SMARCC2: variants seen among roughly 807,000 people sequenced by gnomAD.
The protein encoded by SMARCC2 is SWI/SNF related BAF chromatin remodeling complex subunit C2.
A neutral mutation model predicts 151.3 loss-of-function variants in SMARCC2; 15 were observed. That is an observed-to-expected ratio of 0.10 (90% confidence interval 0.07 to 0.15). The LOEUF (loss-of-function observed/expected upper bound fraction) is 0.15. Ranked by LOEUF, SMARCC2 falls within the 10% of genes least tolerant of loss-of-function variation. SMARCC2 has a pLI of 1.00. For missense variants in SMARCC2, 1,031 were observed against 1,599.7 expected, an observed-to-expected ratio of 0.64 and a Z score of 6.06; for synonymous variants, 590 against 609.5, an observed-to-expected ratio of 0.97 and a Z score of 0.47.
At chr12:56,181,632 A>G in intron 9 of SMARCC2, 35 bp from the exon 10 acceptor site, 1 of 1,610,912 alleles carries the variant, frequency 6.2e-7, no homozygotes. Flanking sequence ...ATGTCAGCCT[A>G]CAATCCCCAC....
intron 15 of SMARCC2, among the ~76,000 whole-genome samples, chr12:56,176,582 A>G (rs1160656455): frequency 6.7e-6 from 1 of 150,328 alleles, no homozygotes; most frequent in Non-Finnish European, 1.5e-5. Flanking sequence ...GGTTCATGCC[A>G]TTCTCCTGCC....
intron 25 of SMARCC2, among the ~76,000 whole-genome samples, chr12:56,168,700 C>G (rs1873327352): frequency 6.6e-6 from 1 of 152,092 alleles, no homozygotes; most frequent in South Asian, 2.1e-4. Flanking sequence ...TTATTTTGGC[C>G]AGGTGTGATG....
chr12:56,183,720 G>A, intron 7 of SMARCC2, 141 bp downstream of exon 7: 2 of 583,620 alleles, frequency 3.4e-6, no homozygotes, highest in Non-Finnish European at 6.2e-6. Context: ...CCAAGACAGA[G>A]GTTCACTTAC....
At position 56,171,255 on chromosome 12, in the gene SMARCC2, A is replaced by G. The variant is rs767090123; in HGVS notation, c.2347+16T>C. On this transcript the variant is annotated intron_variant, in intron 22 of 28. Coordinates refer to ENST00000550164, the MANE Select transcript of SMARCC2 (RefSeq NM_001330288.2). The surrounding 1 kb of genome is among the most constrained non-coding windows in gnomAD (Gnocchi z 4.2). The stretch of plus-strand genomic sequence containing the variant: ...CTTGTGAAAGGCAAGAAATCTGGGA[A>G]CCTGCCTGGCCTTACCAATCCGCTC... 1.2e-6 allele frequency: 2 copies of G among 1,612,150 alleles called. No homozygotes were observed. The highest frequency in any genetic ancestry group is 2.2e-5 in the East Asian group (1 of 44,826).
At position 56,185,035 on chromosome 12, in the gene SMARCC2, C is replaced by T. The variant is rs778908264; in HGVS notation, c.394G>A (p.Val132Met). ...EMFMTIEKSL[V>M]QNNCLSRPNI... Reference sequence around the variant, plus strand: ...ATAGGGTATATGCCTATTACCTGCACCAAGGACTTCTCAATGGTCATAAAC... The same window carrying T: ...ATAGGGTATATGCCTATTACCTGCATCAAGGACTTCTCAATGGTCATAAAC... Residue 132 changes from valine to methionine, a missense_variant, in exon 4 of 29, where the codon GTG becomes ATG. Coordinates refer to ENST00000550164, the MANE Select transcript of SMARCC2 (RefSeq NM_001330288.2). The T allele has an allele frequency of 6.2e-7, 1 of 1,613,574 alleles. No individual in the cohort carries two copies. The highest frequency in any genetic ancestry group is 1.3e-5 in the African/African-American group (1 of 74,912).
intron 22 of SMARCC2, 110 bp from the exon 23 acceptor site, chr12:56,170,318 G>C: frequency 1.1e-6 from 1 of 941,274 alleles, no homozygotes; most frequent in Non-Finnish European, 1.7e-6. Context: ...TGCCCAGGTT[G>C]GTCTCAAACT....
At chr12:56,170,346 C>T in intron 22 of SMARCC2, 138 bp from the exon 23 acceptor site, 1 of 731,538 alleles carries the variant, frequency 1.4e-6, no homozygotes, top group Admixed American at 2.1e-5. Context: ...CCACGCAATC[C>T]TCCCACCTCA....
rs765850398 is a variant in SMARCC2, at chr12:56,184,247, G to A, written c.493-3C>T. ...TTCTTATCCTCAGTGACTGTTCCCT[G>A]GATGGTAAAAGGAGAAGCGGGTAAA... On this transcript the variant is annotated splice_region_variant and splice_polypyrimidine_tract_variant and intron_variant, in intron 5 of 28. Transcript: ENST00000550164. 21 of 1,610,194 alleles carry A rather than the reference G, an allele frequency of 1.3e-5. No individual in the cohort carries two copies. The Admixed American group carries it at 2.7e-4, about 21-fold the overall frequency.
In SMARCC2 at chr12:56,167,951, A is replaced by AAC. The variant is rs56809897; in HGVS notation, c.2850+107_2850+108dup. ...CTGTTGCTTATCTCTCTTTCACTGA[A>AAC]ACACACACACACACACACACACACA... On this transcript the variant is annotated intron_variant, in intron 26 of 28. Transcript: ENST00000550164. 0.07 allele frequency: 47,894 copies of AAC among 687,722 alleles called. 1,516 individuals are homozygous for AAC. The highest frequency in any genetic ancestry group is 0.15 in the East Asian group (4,083 of 27,200). 42.6% of individuals were successfully genotyped at this position (687,722 alleles called of 1,614,324 possible).
At chr12:56,175,269 C>A (rs897607721) in intron 15 of SMARCC2, among the ~76,000 whole-genome samples, 3 of 152,146 alleles carry the variant, frequency 2.0e-5, no homozygotes, top group African/African-American at 7.2e-5. Flanking sequence ...CCTCAGCCTC[C>A]CAAAGTGCTG....
chr12:56,172,895 AG>A, intron 18 of SMARCC2, 41 bp downstream of exon 18: 1 of 1,600,642 alleles, frequency 6.2e-7, no homozygotes, highest in Non-Finnish European at 8.5e-7. Context: ...CCCCCAATAA[AG>A]GGGAAAATGA....
In SMARCC2 at chr12:56,173,853, T is replaced by C. The variant is rs949795853; in HGVS notation, c.1497-4A>G. ...CTGTTCTAGGAAGGCATGGACCCTG[T>C]GCAGAGAGAGGCAGAGACAGGGTCA... On this transcript the variant is annotated splice_region_variant and splice_polypyrimidine_tract_variant and intron_variant, in intron 16 of 28. Transcript: ENST00000550164. The C allele has an allele frequency of 2.5e-6, 4 of 1,611,256 alleles. No individual in the cohort carries two copies. The African/African-American group carries it at 4.0e-5, about 16-fold the overall frequency.
Position 56,189,353 on chromosome 12 carries a change from T to C in SMARCC2, c.109A>G (p.Lys37Glu). The C allele has an allele frequency of 6.6e-7, 1 of 1,510,744 alleles. No individual in the cohort carries two copies. Among genetic ancestry groups the C allele is most frequent in the Non-Finnish European group, 8.9e-7 (1 of 1,120,106 alleles). 93.6% of individuals were successfully genotyped at this position (1,510,744 alleles called of 1,614,324 possible). ...VRLWLGKNYKKYIQAEPPTNK... is the reference protein window; with the variant it reads ...VRLWLGKNYKEYIQAEPPTNK... The stretch of plus-strand genomic sequence containing the variant: ...GCGGCCCGGCCCGGCCCGCGTACCT[T>C]CTTGTAGTTCTTGCCGAGCCACAGC... Residue 37 changes from lysine (K) to glutamate (E), a missense_variant and splice_region_variant, in exon 1 of 29, where the codon AAG (lysine) becomes GAG (glutamate). Physicochemically the swap from Lys to Glu is moderately conservative, Grantham distance 56. This residue lies in a region of SMARCC2 where 50 missense variants were observed against 52.4 expected (regional missense o/e 0.95). Transcript: ENST00000550164.
Position 56,171,512 on chromosome 12 carries a change from G to T in SMARCC2, c.2186-80C>A. 2 of 1,577,632 alleles carry T rather than the reference G, an allele frequency of 1.3e-6. No individual in the cohort carries two copies. The highest frequency in any genetic ancestry group is 1.7e-6 in the Non-Finnish European group (2 of 1,151,018). ...AATCCCTGCAAAAGCTTACTCACAA[G>T]CCCATGTCTTCATCTAAGCTAGTAT... On this transcript the variant is annotated intron_variant, in intron 21 of 28. Coordinates refer to ENST00000550164, the MANE Select transcript of SMARCC2 (RefSeq NM_001330288.2). The surrounding 1 kb of genome is among the most constrained non-coding windows in gnomAD (Gnocchi z 4.2).
At chr12:56,165,207 GAA>G in intron 27 of SMARCC2, 109 bp downstream of exon 27, 1 of 1,330,138 alleles carries the variant, frequency 7.5e-7, no homozygotes, top group South Asian at 2.1e-5. Flanking sequence ...CCCATCTGTA[GAA>G]ATTGAGGCTA....
rs1411938366 is a variant in SMARCC2, at chr12:56,165,558, G to A, written c.2992C>T (p.Pro998Ser). Residue 998 changes from proline (P) to serine (S), a missense_variant, in exon 27 of 29, where the codon CCA becomes TCA. Pro to Ser is a moderately conservative substitution (Grantham distance 74). This residue lies in a region of SMARCC2 where 310 missense variants were observed against 350.0 expected (regional missense o/e 0.89). Coordinates refer to ENST00000550164, the MANE Select transcript of SMARCC2 (RefSeq NM_001330288.2). ...GTTGGGGGGATAGGCTGGGAGCCTG[G>A]GGGCAGGGCTGGTGGTGGCTGCTGC... is the stretch of plus-strand genomic sequence containing the variant. The part of the protein sequence containing the change: ...QQQQPPPALP[P>S]GSQPIPPTGA... The A allele has an allele frequency of 1.2e-6, 2 of 1,613,072 alleles. No individual in the cohort carries two copies. The highest frequency in any genetic ancestry group is 2.2e-5 in the South Asian group (2 of 91,058).
At chr12:56,187,997 A>G (rs1877588995) in intron 1 of SMARCC2, among the ~76,000 whole-genome samples, 1 of 152,172 alleles carries the variant, frequency 6.6e-6, no homozygotes. Flanking sequence ...CTAGCCTTCC[A>G]TTCTAATTTG....
At position 56,165,560 on chromosome 12, in the gene SMARCC2, G is replaced by A. The variant is rs200046464; in HGVS notation, c.2990C>T (p.Pro997Leu). 1.2e-5 allele frequency: 20 copies of A among 1,613,186 alleles called. No individual in the cohort carries two copies. In the Admixed American group the frequency reaches 2.7e-4, roughly 22 times the overall value. Residue 997 changes from proline to leucine, a missense_variant, in exon 27 of 29, where the codon CCC becomes CTC. Pro to Leu is a moderately conservative substitution (Grantham distance 98). Around this residue, in one of 12 missense-constraint regions of SMARCC2, gnomAD observed 310 missense variants for 350.0 expected, o/e 0.89. Coordinates refer to ENST00000550164, the MANE Select transcript of SMARCC2 (RefSeq NM_001330288.2). ...TGGGGGGATAGGCTGGGAGCCTGGG[G>A]GCAGGGCTGGTGGTGGCTGCTGCTG... ...QQQQQPPPAL[P>L]PGSQPIPPTG...
chr12:56,172,375 C>T (rs763264864), intron 20 of SMARCC2, 53 bp downstream of exon 20: 15 of 1,479,822 alleles, frequency 1.0e-5, no homozygotes, highest in Middle Eastern at 2.0e-4. Flanking sequence ...AGCCTCTACA[C>T]GGAGCCCACT....
Sources: allele counts gnomAD v4.1 joint callset (sites outside exome capture counted in the v4.1 genomes callset), GRCh38; gene constraint gnomAD v4.1.1; regional missense constraint gnomAD v4.1.1; non-coding constraint Gnocchi (gnomAD v3.1); transcripts MANE v1.5; gene names NCBI Gene and HGNC (gene_info 2026-07-23, HGNC 2026-07-21).